AKAP6: variants seen among roughly 807,000 people sequenced by gnomAD.
The protein encoded by AKAP6 is A-kinase anchor protein 6.
In AKAP6, 58 loss-of-function variants were observed where a neutral mutation model predicts 188.5. The ratio of observed to expected loss-of-function variants is 0.31; its 90% CI spans 0.25 to 0.38. AKAP6 has a LOEUF of 0.38. AKAP6 is among the 10% of genes least tolerant of loss of function. The pLI, the probability that AKAP6 is intolerant of heterozygous loss-of-function variation, is 1.00. For missense variants in AKAP6, 2,710 were observed against 2,740.0 expected, an observed-to-expected ratio of 0.99 and a Z score of 0.24; for synonymous variants, 989 against 998.6, an observed-to-expected ratio of 0.99 and a Z score of 0.18.
intron 2 of AKAP6, among the ~76,000 whole-genome samples, chr14:32,464,348 A>C (rs1213679163): frequency 6.6e-6 from 1 of 152,186 alleles, no homozygotes; most frequent in Admixed American, 6.5e-5. Context: ...ATCCTCAATA[A>C]AAATACTGGC....
At chr14:32,729,994 GT>G (rs1180955507) in intron 9 of AKAP6, among the ~76,000 whole-genome samples, 2 of 152,090 alleles carry the variant, frequency 1.3e-5, no homozygotes, top group African/African-American at 4.8e-5. Flanking sequence ...AGAGCTGGCA[GT>G]TGATTTTCTG....
At chr14:32,725,428 A>G (rs752983810) in intron 9 of AKAP6, among the ~76,000 whole-genome samples, 12 of 152,240 alleles carry the variant, frequency 7.9e-5, no homozygotes, top group Non-Finnish European at 1.3e-4. Context: ...GAAGCTGTAC[A>G]GTTTTTTAAA....
intron 2 of AKAP6, among the ~76,000 whole-genome samples, chr14:32,520,364 G>A (rs1397412879): frequency 6.6e-6 from 1 of 151,936 alleles, no homozygotes; most frequent in Non-Finnish European, 1.5e-5. Flanking sequence ...AACTGAAGGA[G>A]ATAGAGACAC....
At chr14:32,560,665 G>A (rs988729072) in intron 4 of AKAP6, among the ~76,000 whole-genome samples, 12 of 152,128 alleles carry the variant, frequency 7.9e-5, no homozygotes, top group African/African-American at 2.4e-4. Context: ...TATTACTATC[G>A]TGATGAAACT....
intron 1 of AKAP6, among the ~76,000 whole-genome samples, chr14:32,373,042 C>T (rs1888058649): frequency 6.6e-6 from 1 of 151,040 alleles, no homozygotes; most frequent in African/African-American, 2.4e-5. Flanking sequence ...GTTTCAGAGT[C>T]TGACGGTTCT....
intron 7 of AKAP6, among the ~76,000 whole-genome samples, chr14:32,615,002 C>G (rs139987843): frequency 6.6e-6 from 1 of 151,348 alleles, no homozygotes; most frequent in East Asian, 1.9e-4. Context: ...AACCCCGTCT[C>G]TACTAAAAAT....
intron 1 of AKAP6, among the ~76,000 whole-genome samples, chr14:32,410,296 C>A (rs546769919): frequency 2.0e-5 from 3 of 152,228 alleles, no homozygotes; most frequent in African/African-American, 7.2e-5. Flanking sequence ...GTCTCCATAC[C>A]CCTTTATCTT....
At chr14:32,804,508 C>T (rs1388031523) in intron 12 of AKAP6, among the ~76,000 whole-genome samples, 1 of 152,018 alleles carries the variant, frequency 6.6e-6, no homozygotes, top group Non-Finnish European at 1.5e-5. Context: ...CTTCAAAGGG[C>T]AAAAAGCAGA....
intron 7 of AKAP6, among the ~76,000 whole-genome samples, chr14:32,629,327 G>A (rs1447043362): frequency 1.4e-5 from 2 of 145,704 alleles, no homozygotes; most frequent in African/African-American, 2.6e-5. Flanking sequence ...CCAGCATTTT[G>A]TCATTTAAAC....
At chr14:32,756,458 T>G (rs1040393705) in intron 11 of AKAP6, among the ~76,000 whole-genome samples, 1 of 151,112 alleles carries the variant, frequency 6.6e-6, no homozygotes, top group Non-Finnish European at 1.5e-5. Context: ...AGTGCTGGAG[T>G]ATATTAGGGC....
intron 1 of AKAP6, among the ~76,000 whole-genome samples, chr14:32,399,628 G>T (rs895274721): frequency 1.3e-5 from 2 of 152,112 alleles, no homozygotes; most frequent in African/African-American, 4.8e-5. Flanking sequence ...AGCTTCCTCA[G>T]GTTCTCTGAC....
chr14:32,579,480 G>A (rs2139274567), intron 5 of AKAP6, among the ~76,000 whole-genome samples: 1 of 152,204 alleles, frequency 6.6e-6, no homozygotes, highest in African/African-American at 2.4e-5. Flanking sequence ...TTGACTGGAT[G>A]TTAAATTACA....
chr14:32,784,015 A>T (rs1278133454), intron 12 of AKAP6, among the ~76,000 whole-genome samples: 1 of 152,202 alleles, frequency 6.6e-6, no homozygotes, highest in East Asian at 1.9e-4. Flanking sequence ...ATTTTGGAAA[A>T]TTATGGATCA....
Position 32,603,466 on chromosome 14 carries a change from A to C in AKAP6, c.2730+2674A>C, listed in dbSNP as rs79808429. 3.5e-3 allele frequency among the ~76,000 whole-genome samples: 537 copies of C among 152,242 alleles called. 2 individuals carry two copies. Among genetic ancestry groups the C allele is most frequent in the African/African-American group, 0.012 (513 of 41,550 alleles). On this transcript the variant is annotated intron_variant, in intron 7 of 13. Transcript: ENST00000280979. ...AGTTGATAACACAGTGAGAAGGAGA[A>C]AGTATTATCAGAGGAGAAACATTGT...
intron 8 of AKAP6, among the ~76,000 whole-genome samples, chr14:32,684,896 G>C (rs1569971): frequency 6.6e-6 from 1 of 152,002 alleles, no homozygotes; most frequent in Admixed American, 6.6e-5. Context: ...AAAAAGATAC[G>C]TAAGACTTAA....
intron 2 of AKAP6, among the ~76,000 whole-genome samples, chr14:32,458,485 C>G (rs534584212): frequency 1.2e-3 from 185 of 152,110 alleles, no homozygotes; most frequent in Middle Eastern, 0.01. Flanking sequence ...GGAAGTTTTC[C>G]TATATTATTT....
At position 32,546,222 on chromosome 14, in the gene AKAP6, T is replaced by C. The variant is rs778349661; in HGVS notation, c.1569T>C (p.Asn523=). 1.2e-6 allele frequency: 2 copies of C among 1,613,970 alleles called. No homozygotes were observed. The part of the protein sequence containing the change: ...RGTGSGKQAK[N]TKSSAVPNGE... ...CTGGTTCAGGCAAACAAGCTAAAAA[T>C]ACAAAGAGCTCAGCAGTGCCAAATG... The change falls in exon 4 of 14, where the codon AAT becomes AAC. Residue 523 remains asparagine (N), a synonymous_variant. Coordinates refer to ENST00000280979, the MANE Select transcript of AKAP6 (RefSeq NM_004274.5).
intron 11 of AKAP6, among the ~76,000 whole-genome samples, chr14:32,767,484 G>A (rs1363062443): frequency 6.6e-6 from 1 of 152,002 alleles, no homozygotes; most frequent in East Asian, 1.9e-4. Flanking sequence ...CATTTTGTGT[G>A]TCTTGCTCAC....
intron 12 of AKAP6, among the ~76,000 whole-genome samples, chr14:32,799,722 C>A: frequency 6.6e-6 from 1 of 151,624 alleles, no homozygotes; most frequent in Middle Eastern, 3.2e-3. Flanking sequence ...TGTTTTGTGG[C>A]CCACGTTGTA....
Sources: gnomAD v4.1 joint callset for allele counts (sites outside exome capture counted in the v4.1 genomes callset) on GRCh38, gnomAD v4.1.1 for gene constraint, MANE v1.5 for transcripts, NCBI Gene and HGNC (gene_info 2026-07-23, HGNC 2026-07-21) for gene names.